LRRC7: variants seen among roughly 807,000 people sequenced by gnomAD.
LRRC7 encodes leucine-rich repeat-containing protein 7.
In LRRC7, 23 loss-of-function variants were observed where a neutral mutation model predicts 175.7. The observed-to-expected ratio is 0.13, with a 90% CI of 0.09 to 0.19. LRRC7 has a LOEUF of 0.19. LRRC7 is among the 10% of genes least tolerant of loss of function. The pLI, the probability that LRRC7 is intolerant of heterozygous loss-of-function variation, is 1.00. For synonymous variants in LRRC7, 685 were observed against 680.9 expected (o/e 1.01, Z -0.09); for missense variants, 1,354 against 1,904.7 (o/e 0.71, Z 5.38).
chr1:69,749,759 A>T (rs1669631001), intron 2 of LRRC7, among the ~76,000 whole-genome samples: 1 of 152,110 alleles, frequency 6.6e-6, no homozygotes, highest in Non-Finnish European at 1.5e-5. Flanking sequence ...GAATAGGGAA[A>T]GTGTCTTCAG....
chr1:70,071,111 A>C (rs1488541379), intron 23 of LRRC7, among the ~76,000 whole-genome samples: 2 of 152,044 alleles, frequency 1.3e-5, no homozygotes, highest in Middle Eastern at 6.8e-3. Flanking sequence ...GTAGTGGAGG[A>C]GTTATTGTCT....
intron 2 of LRRC7, among the ~76,000 whole-genome samples, chr1:69,707,289 A>G (rs1176342728): frequency 6.6e-6 from 1 of 152,140 alleles, no homozygotes; most frequent in Admixed American, 6.5e-5. Context: ...GAATGCCCCC[A>G]GATGCAGCCT....
At chr1:69,849,886 T>C (rs547979855) in intron 7 of LRRC7, among the ~76,000 whole-genome samples, 1 of 152,216 alleles carries the variant, frequency 6.6e-6, no homozygotes, top group Non-Finnish European at 1.5e-5. Flanking sequence ...CTATTCTCAG[T>C]GCCAAGGAAT....
In LRRC7 at chr1:69,611,378, G is replaced by A. The variant is rs115956594; in HGVS notation, c.2+42737G>A. The stretch of plus-strand genomic sequence containing the variant: ...AGGTCAGTACAATAAATTCTAATTC[G>A]TGTTCTATCAAGTTGTGTTTCATGA... On this transcript the variant is annotated intron_variant, in intron 1 of 26. Coordinates refer to ENST00000651989, the MANE Select transcript of LRRC7 (RefSeq NM_001370785.2). Among the ~76,000 whole-genome samples the A allele has an allele frequency of 2.5e-3, 385 of 151,636 alleles. 2 individuals are homozygous for A. Among genetic ancestry groups the A allele is most frequent in the Middle Eastern group, 6.8e-3 (2 of 294 alleles).
intron 1 of LRRC7, among the ~76,000 whole-genome samples, chr1:69,624,557 G>A (rs1055849186): frequency 6.6e-6 from 1 of 151,570 alleles, no homozygotes; most frequent in African/African-American, 2.4e-5. Flanking sequence ...TAGGCTTTTT[G>A]TATCCTGCTT....
At chr1:69,604,760 G>T (rs999544916) in intron 1 of LRRC7, among the ~76,000 whole-genome samples, 1 of 151,900 alleles carries the variant, frequency 6.6e-6, no homozygotes, top group African/African-American at 2.4e-5. Flanking sequence ...ATGTATTAGG[G>T]TGGCTCTAAG....
Position 69,792,210 on chromosome 1 carries a change from T to C in LRRC7, c.421+50T>C, listed in dbSNP as rs755621447. 5 of 1,034,788 alleles carry C rather than the reference T, an allele frequency of 4.8e-6. No homozygotes were observed. The African/African-American group carries it at 8.0e-5, about 17-fold the overall frequency. 64.1% of individuals were successfully genotyped at this position (1,034,788 alleles called of 1,614,324 possible). A position where few individuals can be genotyped will look rare whatever the true frequency, so the allele number is the denominator to read the frequency against. ...ATACCTAGAATTTTTTAACTGAAAA[T>C]GTGCTTTAATATCTTCTCTTAGCAA... On this transcript the variant is annotated intron_variant, in intron 4 of 26. Coordinates refer to ENST00000651989, the MANE Select transcript of LRRC7 (RefSeq NM_001370785.2).
At chr1:69,642,385 C>T (rs1654340591) in intron 1 of LRRC7, among the ~76,000 whole-genome samples, 1 of 151,374 alleles carries the variant, frequency 6.6e-6, no homozygotes, top group Non-Finnish European at 1.5e-5. Flanking sequence ...TGTAATATTT[C>T]CCAAGAAAAA....
intron 2 of LRRC7, among the ~76,000 whole-genome samples, chr1:69,700,486 A>G (rs1444598702): frequency 6.6e-6 from 1 of 152,190 alleles, no homozygotes; most frequent in Admixed American, 6.5e-5. Context: ...CTGTTCTTCT[A>G]CTGGCCTAGC....
At chr1:69,772,724 T>A (rs1459925318) in intron 3 of LRRC7, among the ~76,000 whole-genome samples, 1 of 152,056 alleles carries the variant, frequency 6.6e-6, no homozygotes, top group Admixed American at 6.6e-5. Context: ...GTTAACAAAA[T>A]TTGATAATGA....
intron 7 of LRRC7, among the ~76,000 whole-genome samples, chr1:69,861,188 T>C (rs1057403985): frequency 2.1e-4 from 32 of 152,144 alleles, no homozygotes; most frequent in African/African-American, 7.2e-4. Flanking sequence ...AATAGAAAAG[T>C]TGAAAAGGAC....
intron 11 of LRRC7, among the ~76,000 whole-genome samples, chr1:70,004,896 C>T (rs773882076): frequency 4.6e-5 from 7 of 152,204 alleles, no homozygotes; most frequent in Non-Finnish European, 7.4e-5. Context: ...TTACCTCTCC[C>T]ACATATTACT....
intron 25 of LRRC7, among the ~76,000 whole-genome samples, chr1:70,090,764 C>A (rs1171727930): frequency 6.6e-6 from 1 of 152,070 alleles, no homozygotes; most frequent in Non-Finnish European, 1.5e-5. Context: ...ATCCTCTCAA[C>A]TCATCACAAT....
chr1:69,598,865 G>A (rs551260858), intron 1 of LRRC7, among the ~76,000 whole-genome samples: 1 of 152,224 alleles, frequency 6.6e-6, no homozygotes, highest in South Asian at 2.1e-4. Flanking sequence ...TATTTCTACT[G>A]AACATTATTC....
At position 70,023,391 on chromosome 1, in the gene LRRC7, G is replaced by T; in HGVS notation, c.1794+17G>T. ...GGCAGACAGGTAGGCCTAGGTGTCT[G>T]GGGTAGGAGAATCTCCCATGTAGAG... On this transcript the variant is annotated intron_variant, in intron 17 of 26. Transcript: ENST00000651989. 2 of 1,541,774 alleles carry T rather than the reference G, an allele frequency of 1.3e-6. No individual in the cohort carries two copies. The highest frequency in any genetic ancestry group is 2.6e-5 in the South Asian group (2 of 78,234).
At chr1:69,977,206 T>G (rs1425313437) in intron 8 of LRRC7, among the ~76,000 whole-genome samples, 1 of 152,208 alleles carries the variant, frequency 6.6e-6, no homozygotes, top group Non-Finnish European at 1.5e-5. Flanking sequence ...TTATTCCTCA[T>G]TACCTCTTTC....
intron 1 of LRRC7, among the ~76,000 whole-genome samples, chr1:69,601,492 T>C (rs1008236945): frequency 6.6e-6 from 1 of 152,224 alleles, no homozygotes; most frequent in Non-Finnish European, 1.5e-5. Flanking sequence ...AACTATTCAA[T>C]CATATTCTTG....
chr1:69,901,207 GAAGT>G (rs767569466), intron 7 of LRRC7, among the ~76,000 whole-genome samples: 1 of 152,250 alleles, frequency 6.6e-6, no homozygotes, highest in East Asian at 1.9e-4. Context: ...CATCATCCAA[GAAGT>G]AAGAAGGGCA....
At chr1:69,811,918 A>T (rs1022063306) in intron 4 of LRRC7, among the ~76,000 whole-genome samples, 5 of 152,162 alleles carry the variant, frequency 3.3e-5, no homozygotes, top group African/African-American at 9.7e-5. Flanking sequence ...TTAAACTATA[A>T]TAAAAAATTT....
Sources: gnomAD v4.1 joint callset for allele counts (sites outside exome capture counted in the v4.1 genomes callset) on GRCh38, gnomAD v4.1.1 for gene constraint, MANE v1.5 for transcripts, NCBI Gene and HGNC (gene_info 2026-07-23, HGNC 2026-07-21) for gene names.